LRRK1: variants seen among roughly 807,000 people sequenced by gnomAD.
LRRK1 encodes the protein leucine rich repeat kinase 1.
In LRRK1, 113 loss-of-function variants were observed where a neutral mutation model predicts 209.1. The observed-to-expected ratio is 0.54, with a 90% CI of 0.46 to 0.63. LRRK1 has a LOEUF of 0.63. LRRK1 is among the 30% of genes least tolerant of loss of function. The pLI is 0.00. For synonymous variants in LRRK1, 1,144 were observed against 1,099.7 expected, an observed-to-expected ratio of 1.04 and a Z score of -0.80; for missense variants, 2,284 against 2,632.2, an observed-to-expected ratio of 0.87 and a Z score of 2.89.
At chr15:100,989,801 C>A (rs2032058551) in intron 6 of LRRK1, among the ~76,000 whole-genome samples, 1 of 152,112 alleles carries the variant, frequency 6.6e-6, no homozygotes, top group Non-Finnish European at 1.5e-5. Context: ...AGGGTGGGAG[C>A]TGAAATCTGG....
intron 6 of LRRK1, among the ~76,000 whole-genome samples, chr15:101,003,212 C>T (rs2032785512): frequency 1.3e-5 from 2 of 152,240 alleles, no homozygotes; most frequent in Non-Finnish European, 2.9e-5. Context: ...GCCCAGAAAC[C>T]ATTTCCAAGC....
intron 2 of LRRK1, among the ~76,000 whole-genome samples, chr15:100,959,660 G>C (rs529722819): frequency 2.0e-5 from 3 of 152,190 alleles, no homozygotes; most frequent in Non-Finnish European, 4.4e-5. Flanking sequence ...ACCCCCATTT[G>C]TGTGCTCACC....
At chr15:101,063,502 G>A (rs1200251219) in intron 31 of LRRK1, among the ~76,000 whole-genome samples, 3 of 152,154 alleles carry the variant, frequency 2.0e-5, no homozygotes, top group African/African-American at 4.8e-5. Flanking sequence ...TGGCTTTTCC[G>A]GGCTCCTCCG....
intron 2 of LRRK1, among the ~76,000 whole-genome samples, chr15:100,961,421 A>C (rs4965742): frequency 4.6e-5 from 7 of 152,010 alleles, no homozygotes; most frequent in African/African-American, 1.7e-4. Context: ...TTGGGAGGCC[A>C]AGGCGGGCAG....
In LRRK1 at chr15:101,024,691, G is replaced by GT; in HGVS notation, c.2068-106dup. 1 of 1,198,056 alleles carries GT rather than the reference G, an allele frequency of 8.3e-7. No homozygotes were observed. 74.2% of individuals were successfully genotyped at this position (1,198,056 alleles called of 1,614,324 possible). On this transcript the variant is annotated intron_variant, in intron 15 of 33. Coordinates refer to ENST00000388948, the MANE Select transcript of LRRK1 (RefSeq NM_024652.6). This position sits in a 1 kb window ranked among gnomAD's most constrained non-coding sequence, Gnocchi z 4.6. ...GAGTGTCCAGAACTTTTCCACGGTTGTTTTTTCAGACCCCCGAGTCCAGCC... is the reference window on the plus strand; with the variant it reads ...GAGTGTCCAGAACTTTTCCACGGTTGTTTTTTTCAGACCCCCGAGTCCAGCC...
intron 2 of LRRK1, among the ~76,000 whole-genome samples, chr15:100,958,707 C>G (rs2042814496): frequency 6.6e-6 from 1 of 152,142 alleles, no homozygotes. Flanking sequence ...GTGTTCTAAG[C>G]ACTTCTCGTG....
At chr15:101,025,219 G>T (rs140650978) in intron 16 of LRRK1, among the ~76,000 whole-genome samples, 100 of 152,310 alleles carry the variant, frequency 6.6e-4, no homozygotes, top group African/African-American at 2.2e-3. Context: ...GCAGAGCAGG[G>T]TTCCCTTCCT....
chr15:100,928,176 A>G (rs2042147193), intron 2 of LRRK1, among the ~76,000 whole-genome samples: 1 of 152,260 alleles, frequency 6.6e-6, no homozygotes, highest in Admixed American at 6.5e-5. Context: ...TTATTTAAGT[A>G]CTGATGATTT....
chr15:100,966,128 T>C (rs1247757823), intron 2 of LRRK1, among the ~76,000 whole-genome samples: 5 of 152,200 alleles, frequency 3.3e-5, no homozygotes, highest in African/African-American at 9.7e-5. Context: ...ATAGTATAAA[T>C]GTGTTTCCTA....
In LRRK1 at chr15:101,012,624, T is replaced by C. The variant is rs547832174; in HGVS notation, c.1419+479T>C. On this transcript the variant is annotated intron_variant, in intron 10 of 33. Coordinates refer to ENST00000388948, the MANE Select transcript of LRRK1 (RefSeq NM_024652.6). ...GGCAGCCTCACCAGGGGCCCTGTAG[T>C]GGACCCCCAGGCAGAGTGCCCAGGC... Among the ~76,000 whole-genome samples the C allele has an allele frequency of 7.1e-4, 108 of 152,284 alleles. 1 individual carries two copies. Among genetic ancestry groups the C allele is most frequent in the African/African-American group, 2.5e-3 (104 of 41,568 alleles).
chr15:101,058,810 G>A (rs1250143840), intron 29 of LRRK1, among the ~76,000 whole-genome samples: 1 of 151,884 alleles, frequency 6.6e-6, no homozygotes, highest in African/African-American at 2.4e-5. Context: ...CAAGAGTTAT[G>A]GTTTCAGGTG....
At chr15:101,061,352 G>C (rs2036167807) in intron 30 of LRRK1, 64 bp downstream of exon 30, 2 of 1,159,638 alleles carry the variant, frequency 1.7e-6, no homozygotes, top group Admixed American at 1.9e-5. Context: ...AGCCCTGGGT[G>C]GGGGCCACAT....
Position 101,048,764 on chromosome 15 carries a change from C to T in LRRK1, c.3299+107C>T, listed in dbSNP as rs557782458. 88 of 954,334 alleles carry T rather than the reference C, an allele frequency of 9.2e-5. 1 individual carries two copies. In the South Asian group the frequency reaches 1.6e-3, roughly 18 times the overall value. 59.1% of individuals were successfully genotyped at this position (954,334 alleles called of 1,614,324 possible). On this transcript the variant is annotated intron_variant, in intron 22 of 33. Coordinates refer to ENST00000388948, the MANE Select transcript of LRRK1 (RefSeq NM_024652.6). ...TCCTCTTGGTGTCCAGAATTTTGCTCGTGAGAGCGGCTCGTCATGGCAGCT... is the reference window on the plus strand; with the variant it reads ...TCCTCTTGGTGTCCAGAATTTTGCTTGTGAGAGCGGCTCGTCATGGCAGCT...
intron 20 of LRRK1, among the ~76,000 whole-genome samples, chr15:101,030,951 T>G (rs546663973): frequency 5.2e-4 from 79 of 152,310 alleles, no homozygotes; most frequent in African/African-American, 1.8e-3. Flanking sequence ...GTGTCATTCT[T>G]ACGCCTTTGC....
Position 101,061,202 on chromosome 15 carries a change from C to T in LRRK1, c.4711C>T (p.Leu1571Phe), listed in dbSNP as rs761200124. 1 of 1,614,106 alleles carries T rather than the reference C, an allele frequency of 6.2e-7. No individual in the cohort carries two copies. The highest frequency in any genetic ancestry group is 1.3e-5 in the African/African-American group (1 of 75,042). ...NYTVVNTEKGLMEVQRMCCPG... is the reference protein window; with the variant it reads ...NYTVVNTEKGFMEVQRMCCPG... ...CACGGTGGTGAACACAGAGAAGGGCCTCATGGAGGTGCAGAGGATGTGCTG... is the reference window on the plus strand; with the variant it reads ...CACGGTGGTGAACACAGAGAAGGGCTTCATGGAGGTGCAGAGGATGTGCTG... Residue 1571 changes from leucine (L) to phenylalanine (F), a missense_variant, in exon 30 of 34, where the codon CTC (leucine) becomes TTC (phenylalanine). Transcript: ENST00000388948.
At chr15:101,015,462 G>A in intron 12 of LRRK1, 60 bp downstream of exon 12, 1 of 1,326,636 alleles carries the variant, frequency 7.5e-7, no homozygotes. Context: ...CCTGGTTCCT[G>A]CTCCACCAAA....
chr15:101,058,178 T>TG (rs1247478613), intron 29 of LRRK1, 37 bp downstream of exon 29: 1 of 1,606,706 alleles, frequency 6.2e-7, no homozygotes, highest in African/African-American at 1.3e-5. Flanking sequence ...CCTTTGTATT[T>TG]GGGGTGGGAG....
chr15:101,021,332 G>A (rs980979627), intron 13 of LRRK1, 150 bp downstream of exon 13: 18 of 773,930 alleles, frequency 2.3e-5, no homozygotes, highest in East Asian at 5.4e-5. Context: ...AACAGGGCTT[G>A]ATCAAGGAGG....
chr15:100,925,901 C>T (rs2042101077), intron 2 of LRRK1, among the ~76,000 whole-genome samples: 1 of 152,178 alleles, frequency 6.6e-6, no homozygotes, highest in African/African-American at 2.4e-5. Flanking sequence ...AATGCTAGGC[C>T]ACACTATGGG....
Sources: gnomAD v4.1 joint callset for allele counts (sites outside exome capture counted in the v4.1 genomes callset) on GRCh38, gnomAD v4.1.1 for gene constraint, Gnocchi (gnomAD v3.1) non-coding constraint, MANE v1.5 for transcripts, NCBI Gene and HGNC (gene_info 2026-07-23, HGNC 2026-07-21) for gene names.